The following KYNU variants were observed in gnomAD, a reference collection of about 807,000 sequenced individuals.
The protein encoded by KYNU is L-kynurenine hydrolase.
KYNU carries 54 observed loss-of-function variants against 59.2 expected under a neutral mutation model. That is an observed-to-expected ratio of 0.91 (90% CI 0.73 to 1.14). The LOEUF is 1.14. KYNU is among the 50% of genes most tolerant of loss of function. The pLI is 0.00. For missense variants in KYNU, 567 were observed against 554.4 expected (o/e 1.02, Z -0.23); for synonymous variants, 177 against 192.0 (o/e 0.92, Z 0.65).
intron 2 of KYNU, among the ~76,000 whole-genome samples, chr2:142,899,231 T>C (rs998163204): frequency 2.0e-5 from 3 of 152,136 alleles, no homozygotes; most frequent in African/African-American, 7.2e-5. Flanking sequence ...CAAAGGGGGT[T>C]GCCACTCCCT....
intron 10 of KYNU, among the ~76,000 whole-genome samples, chr2:143,028,626 A>G (rs1035355229): frequency 4.0e-5 from 6 of 150,500 alleles, no homozygotes; most frequent in African/African-American, 1.5e-4. Flanking sequence ...CGGGCTGATC[A>G]CCTGAGGTCG....
At chr2:142,926,334 T>C (rs1486869736) in intron 3 of KYNU, among the ~76,000 whole-genome samples, 1 of 152,208 alleles carries the variant, frequency 6.6e-6, no homozygotes, top group Non-Finnish European at 1.5e-5. Context: ...TTTTTAATTG[T>C]GAAATCATCT....
chr2:142,990,466 G>C (rs1040928506), intron 10 of KYNU, among the ~76,000 whole-genome samples: 4 of 151,784 alleles, frequency 2.6e-5, no homozygotes, highest in African/African-American at 4.8e-5. Flanking sequence ...TCTTCTGTAA[G>C]AGCCCATACA....
At chr2:142,956,784 G>C (rs965798693) in intron 6 of KYNU, among the ~76,000 whole-genome samples, 2 of 152,092 alleles carry the variant, frequency 1.3e-5, no homozygotes, top group African/African-American at 4.8e-5. Flanking sequence ...TACTTTACTT[G>C]ATGATGAGTT....
chr2:143,013,895 A>G (rs2105207513), intron 10 of KYNU, among the ~76,000 whole-genome samples: 2 of 152,326 alleles, frequency 1.3e-5, no homozygotes, highest in Middle Eastern at 6.8e-3. Flanking sequence ...CATTACCATT[A>G]CATTCTCCAA....
intron 6 of KYNU, 40 bp from the exon 7 acceptor site, chr2:142,957,601 C>T: frequency 8.2e-7 from 1 of 1,218,904 alleles, no homozygotes; most frequent in Non-Finnish European, 1.2e-6. Context: ...CTTCTGTGCT[C>T]TCAGCTTGAT....
chr2:142,988,900 A>G, intron 10 of KYNU: 1 of 1,605,936 alleles, frequency 6.2e-7, no homozygotes, highest in Non-Finnish European at 8.5e-7. Context: ...CAAGTCAAGG[A>G]CAAGGTATTT....
rs1235544303 is a variant in KYNU at position 143,053,822 on chromosome 2, T to G, written c.*11650T>G. The G allele has an allele frequency of 6.6e-6, 1 of 152,216 alleles. No homozygotes were observed. The highest frequency in any genetic ancestry group is 1.5e-5 in the Non-Finnish European group (1 of 68,068). The allele number at this position is 152,216 out of a possible 1,614,324, so 9.4% of individuals were successfully genotyped here. A position where few individuals can be genotyped will look rare whatever the true frequency, so the allele number is the denominator to read the frequency against. ...TGGGAAAACGGATTAATATACTAAT[T>G]TATAGCTAGTAGGTAAAAAGCCAGG... On this transcript the variant is annotated 3_prime_UTR_variant, in exon 14 of 14. Coordinates refer to ENST00000264170, the MANE Select transcript of KYNU (RefSeq NM_003937.3).
chr2:142,881,688 T>C (rs1181364839), intron 1 of KYNU, among the ~76,000 whole-genome samples: 1 of 152,200 alleles, frequency 6.6e-6, no homozygotes, highest in Non-Finnish European at 1.5e-5. Flanking sequence ...AAATATCCAA[T>C]GACCAGCTTG....
intron 3 of KYNU, among the ~76,000 whole-genome samples, chr2:142,919,003 A>G (rs1360988866): frequency 2.6e-5 from 4 of 152,252 alleles, no homozygotes; most frequent in Non-Finnish European, 5.9e-5. Flanking sequence ...CTAACACAGT[A>G]TAAATGTCAT....
Position 143,043,373 on chromosome 2 carries a change from G to A in KYNU, c.*1201G>A, listed in dbSNP as rs969324642. 2 of 151,902 alleles carry A rather than the reference G, an allele frequency of 1.3e-5. No individual in the cohort carries two copies. Among genetic ancestry groups the A allele is most frequent in the Non-Finnish European group, 2.9e-5 (2 of 67,938 alleles). The allele number at this position is 151,902 out of a possible 1,614,324, so 9.4% of individuals were successfully genotyped here. A position where few individuals can be genotyped will look rare whatever the true frequency, so the allele number is the denominator to read the frequency against. Reference sequence around the variant, plus strand: ...ATGCCACAATCATTATTTATAAGTTGACAAAATAGTGTAGATTTGTATACA... The same window carrying A: ...ATGCCACAATCATTATTTATAAGTTAACAAAATAGTGTAGATTTGTATACA... On this transcript the variant is annotated 3_prime_UTR_variant, in exon 14 of 14. Transcript: ENST00000264170.
intron 10 of KYNU, chr2:142,989,544 T>C (rs1204853697): frequency 1.0e-6 from 1 of 954,504 alleles, no homozygotes; most frequent in Non-Finnish European, 1.2e-6. Context: ...ATAACATTTC[T>C]TCTCATGGTC....
At chr2:142,936,567 G>A (rs149454243) in intron 4 of KYNU, among the ~76,000 whole-genome samples, 28 of 152,242 alleles carry the variant, frequency 1.8e-4, no homozygotes, top group African/African-American at 6.7e-4. Flanking sequence ...TGCCTTTTTC[G>A]TTCCCGGAAT....
At chr2:142,909,925 T>C (rs568757579) in intron 2 of KYNU, among the ~76,000 whole-genome samples, 1 of 152,310 alleles carries the variant, frequency 6.6e-6, no homozygotes, top group East Asian at 1.9e-4. Flanking sequence ...ACCAATGATG[T>C]ATAAGTGTTT....
At chr2:142,955,977 C>T (rs540708369) in intron 5 of KYNU, among the ~76,000 whole-genome samples, 1 of 152,136 alleles carries the variant, frequency 6.6e-6, no homozygotes, top group Admixed American at 6.5e-5. Context: ...CATTTTCCCC[C>T]GAGTTTGCTG....
At chr2:142,956,106 TA>T (rs1382878296) in intron 5 of KYNU, 96 bp from the exon 6 acceptor site, 22 of 708,262 alleles carry the variant, frequency 3.1e-5, no homozygotes, top group Non-Finnish European at 4.9e-5. Context: ...TTAATGTCTT[TA>T]AAATACTGGA....
In KYNU at chr2:143,050,555, A is replaced by G. The variant is rs1437170676; in HGVS notation, c.*8383A>G. On this transcript the variant is annotated 3_prime_UTR_variant, in exon 14 of 14. Transcript: ENST00000264170. ...TCTTCATCCAGTCATGCAAATTTAT[A>G]TGAATGTCAATTCTTTTATAGTGAT... 1 of 152,186 alleles carries G rather than the reference A, an allele frequency of 6.6e-6. No homozygotes were observed. The highest frequency in any genetic ancestry group is 1.9e-4 in the East Asian group (1 of 5,202). 9.4% of individuals were successfully genotyped at this position (152,186 alleles called of 1,614,324 possible).
intron 13 of KYNU, 145 bp from the exon 14 acceptor site, chr2:143,041,902 C>A: frequency 4.2e-6 from 3 of 706,442 alleles, no homozygotes; most frequent in Admixed American, 2.6e-5. Context: ...AGAAAAACAC[C>A]ATGTTTTAAA....
chr2:142,890,485 T>C (rs1681677155), intron 2 of KYNU, among the ~76,000 whole-genome samples: 1 of 152,110 alleles, frequency 6.6e-6, no homozygotes, highest in Non-Finnish European at 1.5e-5. Context: ...TGTTTTTGTT[T>C]CTGTTTTTTG....
Sources: gnomAD v4.1 joint callset for allele counts (sites outside exome capture counted in the v4.1 genomes callset) on GRCh38, gnomAD v4.1.1 for gene constraint, MANE v1.5 for transcripts, NCBI Gene and HGNC (gene_info 2026-07-23, HGNC 2026-07-21) for gene names.